RPH3A: variants seen among roughly 807,000 people sequenced by gnomAD.
The protein encoded by RPH3A is rabphilin-3A.
In RPH3A, 48 loss-of-function variants were observed where a neutral mutation model predicts 102.2. The observed-to-expected ratio is 0.47, with a 90% CI of 0.37 to 0.60. The LOEUF (loss-of-function observed/expected upper bound fraction) is 0.60, where lower values mean the gene tolerates loss of function less well. Ranked by LOEUF, RPH3A falls within the 20% of genes least tolerant of loss-of-function variation. The probability of loss-of-function intolerance (pLI) is 0.00; values close to 1 mark genes in which losing one functional copy is unlikely to be tolerated. For synonymous variants in RPH3A, 310 were observed against 324.3 expected (o/e 0.96, Z 0.47); for missense variants, 781 against 910.1 (o/e 0.86, Z 1.83).
intron 1 of RPH3A, among the ~76,000 whole-genome samples, chr12:112,594,523 C>T (rs148556988): frequency 2.0e-5 from 3 of 152,284 alleles, no homozygotes; most frequent in Non-Finnish European, 2.9e-5. Context: ...TTTATTCATT[C>T]GAGTATCTTC....
chr12:112,895,750 C>G (rs573239519), intron 20 of RPH3A, 27 bp from the exon 21 acceptor site: 2 of 1,550,284 alleles, frequency 1.3e-6, no homozygotes, highest in South Asian at 2.2e-5. Context: ...GGGCTCTTAC[C>G]CACATGTCTT....
At chr12:112,576,712 A>G (rs2039361642) in intron 1 of RPH3A, among the ~76,000 whole-genome samples, 1 of 152,064 alleles carries the variant, frequency 6.6e-6, no homozygotes, top group South Asian at 2.1e-4. Flanking sequence ...AATTTGGTGG[A>G]GAGAAGAATT....
At chr12:112,757,181 G>A (rs911282636) in intron 1 of RPH3A, among the ~76,000 whole-genome samples, 5 of 152,196 alleles carry the variant, frequency 3.3e-5, no homozygotes, top group African/African-American at 7.2e-5. Context: ...ATGGTTCAAC[G>A]TCCCAAATAA....
intron 1 of RPH3A, among the ~76,000 whole-genome samples, chr12:112,727,504 C>CCCCA (rs1555205006): frequency 1.2e-5 from 1 of 80,944 alleles, no homozygotes; most frequent in African/African-American, 5.0e-5. Context: ...CCCCCCCCCC[C>CCCCA]CACACACATA....
intron 2 of RPH3A, among the ~76,000 whole-genome samples, chr12:112,813,615 G>A (rs917102323): frequency 5.3e-5 from 8 of 152,154 alleles, no homozygotes; most frequent in Admixed American, 6.5e-5. Context: ...AATGTGATTC[G>A]GGAGAGGTGC....
intron 1 of RPH3A, among the ~76,000 whole-genome samples, chr12:112,628,081 C>A (rs1408876618): frequency 6.6e-6 from 1 of 151,956 alleles, no homozygotes; most frequent in Non-Finnish European, 1.5e-5. Context: ...GGGAAATTCA[C>A]CCCCATGATC....
Position 112,841,697 on chromosome 12 carries a change from T to A in RPH3A, c.83+5195T>A, listed in dbSNP as rs1269205664. Among the ~76,000 whole-genome samples, 2 of 123,166 alleles carry A rather than the reference T, an allele frequency of 1.6e-5. 1 individual carries two copies. Among genetic ancestry groups the A allele is most frequent in the Non-Finnish European group, 3.3e-5 (2 of 59,942 alleles). 80.8% of individuals were successfully genotyped at this position (123,166 alleles called of 152,430 possible). On this transcript the variant is annotated intron_variant, in intron 4 of 21. Transcript: ENST00000389385. ...CTGAATCTAAAGCTTGAGTTTTTTT[T>A]GTTTTTTTGGTTTTTTTTTTTTTTC...
chr12:112,832,255 G>T (rs2041982501), intron 3 of RPH3A, among the ~76,000 whole-genome samples: 2 of 151,980 alleles, frequency 1.3e-5, no homozygotes, highest in African/African-American at 4.8e-5. Context: ...ATATTAATTT[G>T]CCATTAAACC....
intron 1 of RPH3A, among the ~76,000 whole-genome samples, chr12:112,668,629 G>A (rs1453579086): frequency 1.3e-5 from 2 of 152,114 alleles, no homozygotes; most frequent in Non-Finnish European, 2.9e-5. Context: ...TGGACACAGG[G>A]AGGGGAACAT....
chr12:112,808,612 C>T, intron 2 of RPH3A, among the ~76,000 whole-genome samples: 1 of 152,158 alleles, frequency 6.6e-6, no homozygotes, highest in Non-Finnish European at 1.5e-5. Context: ...GACAGTGTTG[C>T]TAGAAGGGAA....
chr12:112,843,636 T>C (rs1034235104), intron 4 of RPH3A, among the ~76,000 whole-genome samples: 8 of 152,124 alleles, frequency 5.3e-5, no homozygotes, highest in Admixed American at 4.6e-4. Context: ...CCTGACAAGA[T>C]TGTAAGCTGC....
chr12:112,615,340 T>C (rs1385392072), intron 1 of RPH3A, among the ~76,000 whole-genome samples: 1 of 152,114 alleles, frequency 6.6e-6, no homozygotes, highest in African/African-American at 2.4e-5. Context: ...TGGCACCACC[T>C]CCTTGGGGCC....
chr12:112,876,914 G>T (rs1308627780), intron 13 of RPH3A, 48 bp downstream of exon 13: 1 of 1,443,622 alleles, frequency 6.9e-7, no homozygotes, highest in Non-Finnish European at 9.4e-7. Flanking sequence ...CACTTCAGGA[G>T]CCAAGCCCAG....
intron 1 of RPH3A, among the ~76,000 whole-genome samples, chr12:112,585,782 G>A (rs952540680): frequency 1.3e-5 from 2 of 152,182 alleles, no homozygotes; most frequent in Non-Finnish European, 1.5e-5. Flanking sequence ...GTGCACTTGT[G>A]TGCCAAAAGG....
chr12:112,774,906 G>A (rs1228268015), intron 1 of RPH3A, among the ~76,000 whole-genome samples: 1 of 152,060 alleles, frequency 6.6e-6, no homozygotes, highest in African/African-American at 2.4e-5. Context: ...AACCAGCATG[G>A]CACATGTTTA....
At position 112,887,798 on chromosome 12, in the gene RPH3A, A is replaced by G. The variant is rs2043028669; in HGVS notation, c.1438A>G (p.Ile480Val). Residue 480 changes from isoleucine (I) to valine (V), a missense_variant and splice_region_variant, in exon 17 of 22, where the codon ATC (isoleucine) becomes GTC (valine). Physicochemically the swap from Ile to Val is conservative, Grantham distance 29 (BLOSUM62 3). This residue lies in a region of RPH3A where 730 missense variants were observed against 810.0 expected (regional missense o/e 0.90). Coordinates refer to ENST00000389385, the MANE Select transcript of RPH3A (RefSeq NM_001143854.2). Reference protein sequence around the residue: ...DEDMQRKTLRISVCDEDKFGH... With the variant: ...DEDMQRKTLRVSVCDEDKFGH... ...TCTACCCCCTTGTGTTGGTGGCAGGATCTCCGTCTGTGATGAGGACAAATT... is the reference window on the plus strand; with the variant it reads ...TCTACCCCCTTGTGTTGGTGGCAGGGTCTCCGTCTGTGATGAGGACAAATT... 1 of 1,613,366 alleles carries G rather than the reference A, an allele frequency of 6.2e-7. No homozygotes were observed. The highest frequency in any genetic ancestry group is 1.1e-5 in the South Asian group (1 of 91,016).
At chr12:112,627,728 G>T (rs748789065) in intron 1 of RPH3A, among the ~76,000 whole-genome samples, 39 of 152,074 alleles carry the variant, frequency 2.6e-4, no homozygotes, top group Non-Finnish European at 5.1e-4. Flanking sequence ...GACTGTGGAT[G>T]AGGTTTGGGT....
chr12:112,786,022 G>T (rs1229623635), intron 1 of RPH3A, among the ~76,000 whole-genome samples: 1 of 151,606 alleles, frequency 6.6e-6, no homozygotes, highest in Non-Finnish European at 1.5e-5. Context: ...GGAGATGAGC[G>T]GGGAAGGTAT....
Position 112,766,300 on chromosome 12 carries a change from G to A in RPH3A, c.-139-25843G>A, listed in dbSNP as rs187458048. ...ACAGTAATAGCACCTGCCTCATAGG[G>A]ATATTGTGAGATAAATGAGTAAATA... is the stretch of plus-strand genomic sequence containing the variant. On this transcript the variant is annotated intron_variant, in intron 1 of 21. Transcript: ENST00000543106. 4.5e-3 allele frequency among the ~76,000 whole-genome samples: 678 copies of A among 152,280 alleles called. 8 individuals are homozygous for A. The highest frequency in any genetic ancestry group is 0.015 in the African/African-American group (638 of 41,552).
Sources: allele counts gnomAD v4.1 joint callset (sites outside exome capture counted in the v4.1 genomes callset), GRCh38; gene constraint gnomAD v4.1.1; regional missense constraint gnomAD v4.1.1; transcripts MANE v1.5; gene names NCBI Gene and HGNC (gene_info 2026-07-23, HGNC 2026-07-21).